Variants in FBXO45 observed in about 807,000 individuals in gnomAD.
FBXO45 encodes the protein F-box/SPRY domain-containing protein 1.
Under a neutral mutation model 25.5 loss-of-function variants are expected in FBXO45, and 3 were observed. The ratio of observed to expected loss-of-function variants is 0.12; its 90% confidence interval spans 0.05 to 0.30. FBXO45 has a LOEUF of 0.30. Ranked by LOEUF, FBXO45 falls within the 10% of genes least tolerant of loss-of-function variation. FBXO45 has a pLI of 1.00. For synonymous variants in FBXO45, 155 were observed against 149.8 expected (o/e 1.03, Z -0.25); for missense variants, 219 against 365.0 (o/e 0.60, Z 3.26).
At position 196,569,062 on chromosome 3, in the gene FBXO45, G is replaced by GGGCGCC; in HGVS notation, c.81_82insGCCGGC (p.Ala26_Gly27dup). The GGGCGCC allele has an allele frequency of 8.3e-7, 1 of 1,205,938 alleles. No individual in the cohort carries two copies. The highest frequency in any genetic ancestry group is 1.0e-6 in the Non-Finnish European group (1 of 964,886). The allele number at this position is 1,205,938 out of a possible 1,614,324, so 74.7% of individuals were successfully genotyped here. Reference sequence around the variant, plus strand: ...GCGGCGGCGGCGCGGGCGCGGGCGCGGGCTCGGGCTCTGGGGCCGCGGGGG... The same window carrying GGGCGCC: ...GCGGCGGCGGCGCGGGCGCGGGCGCGGGCGCCGGCTCGGGCTCTGGGGCCGCGGGGG... On this transcript the variant is annotated inframe_insertion, in exon 1 of 3. Transcript: ENST00000311630. The surrounding 1 kb of genome is among the most constrained non-coding windows in gnomAD (Gnocchi z 4.1).
At position 196,568,888 on chromosome 3, in the gene FBXO45, C is replaced by T; in HGVS notation, c.-97C>T. On this transcript the variant is annotated 5_prime_UTR_variant, in exon 1 of 3. Transcript: ENST00000311630. ...GGTTGGCACTGACAGGGGCGGTGAG[C>T]GAGCCGCTCCGGTCTCCGGGCGAGG... 7 of 909,930 alleles carry T rather than the reference C, an allele frequency of 7.7e-6. No individual in the cohort carries two copies. Among genetic ancestry groups the T allele is most frequent in the Non-Finnish European group, 9.2e-6 (7 of 760,814 alleles). 56.4% of individuals were successfully genotyped at this position (909,930 alleles called of 1,614,324 possible).
rs1412673783 is a variant in FBXO45 at position 196,569,285 on chromosome 3, C to A, written c.301C>A (p.Pro101Thr). 6.4e-7 allele frequency: 1 copy of A among 1,570,788 alleles called. No homozygotes were observed. Among genetic ancestry groups the A allele is most frequent in the East Asian group, 2.3e-5 (1 of 42,744 alleles). Residue 101 changes from proline (P) to threonine (T), a missense_variant, in exon 1 of 3, where the codon CCC (proline) becomes ACC (threonine). Physicochemically the swap from Pro to Thr is conservative, Grantham distance 38. Around this residue, in one of 4 missense-constraint regions of FBXO45, gnomAD observed 138 missense variants for 157.3 expected, o/e 0.88. Transcript: ENST00000311630. The surrounding 1 kb of genome is among the most constrained non-coding windows in gnomAD (Gnocchi z 4.1). The stretch of plus-strand genomic sequence containing the variant: ...GCGCACGGACATCCTGTGCAACCTG[C>A]CCAGCTACAAGGCCAAGGTGAGAGA... ...ALRTDILCNL[P>T]SYKAKIRAFQ...
intron 1 of FBXO45, among the ~76,000 whole-genome samples, chr3:196,572,013 C>T (rs949080551): frequency 6.6e-6 from 1 of 152,038 alleles, no homozygotes; most frequent in Admixed American, 6.6e-5. Flanking sequence ...AAAAAGTATA[C>T]TAGAAGTTCA....
chr3:196,580,807 T>A (rs2108728474), intron 2 of FBXO45, among the ~76,000 whole-genome samples: 1 of 147,710 alleles, frequency 6.8e-6, no homozygotes, highest in African/African-American at 2.4e-5. Flanking sequence ...GGTCTCGCTC[T>A]GACACCTCGG....
intron 2 of FBXO45, among the ~76,000 whole-genome samples, chr3:196,579,020 CT>C (rs1482451860): frequency 6.6e-6 from 1 of 152,160 alleles, no homozygotes; most frequent in East Asian, 1.9e-4. Context: ...TTCAAAGCCC[CT>C]GGAGGCATCA....
chr3:196,577,426 T>C, intron 1 of FBXO45, 27 bp from the exon 2 acceptor site: 1 of 1,471,406 alleles, frequency 6.8e-7, no homozygotes, highest in Non-Finnish European at 9.2e-7. Context: ...AATTGTTATT[T>C]ATTTGGTCTG....
In FBXO45 at chr3:196,575,658, C is replaced by A. The variant is rs998150706; in HGVS notation, c.319-1795C>A. ...ACATGTTCCTTCCCCATTTAATCTT[C>A]TTTTCCTTTCTTTTCTTTGTTTCTT... On this transcript the variant is annotated intron_variant, in intron 1 of 2. Coordinates refer to ENST00000311630, the MANE Select transcript of FBXO45 (RefSeq NM_001105573.2). Among the ~76,000 whole-genome samples the A allele has an allele frequency of 4.0e-5, 6 of 150,316 alleles. No individual in the cohort carries two copies. In the East Asian group the frequency reaches 9.7e-4, roughly 24 times the overall value.
At chr3:196,572,176 T>A (rs1037383901) in intron 1 of FBXO45, among the ~76,000 whole-genome samples, 1 of 152,096 alleles carries the variant, frequency 6.6e-6, no homozygotes, top group Non-Finnish European at 1.5e-5. Context: ...AAGTAAAGGG[T>A]TTGTACAACA....
intron 1 of FBXO45, among the ~76,000 whole-genome samples, chr3:196,575,311 C>T (rs1310108893): frequency 6.6e-6 from 1 of 151,890 alleles, no homozygotes; most frequent in Non-Finnish European, 1.5e-5. Context: ...CAAAAATTAG[C>T]CGGGTGTGGT....
chr3:196,569,122 G>T lies in FBXO45; in HGVS notation c.138G>T (p.Leu46Phe). 1 of 1,539,704 alleles carries T rather than the reference G, an allele frequency of 6.5e-7. No individual in the cohort carries two copies. Among genetic ancestry groups the T allele is most frequent in the Non-Finnish European group, 8.8e-7 (1 of 1,139,874 alleles). Reference sequence around the variant, plus strand: ...GGCTGCCCAGCCGGGTGCTGGAGTTGGTGTTCTCTTACCTGGAGCTGTCCG... The same window carrying T: ...GGCTGCCCAGCCGGGTGCTGGAGTTTGTGTTCTCTTACCTGGAGCTGTCCG... ...GGRLPSRVLE[L>F]VFSYLELSEL... Residue 46 changes from leucine to phenylalanine, a missense_variant, in exon 1 of 3, where the codon TTG (leucine) becomes TTT (phenylalanine). By Grantham distance (22) the Leu-to-Phe change is conservative (BLOSUM62 0). Transcript: ENST00000311630. The surrounding 1 kb of genome is among the most constrained non-coding windows in gnomAD (Gnocchi z 4.1).
At chr3:196,579,770 CT>C (rs1156687140) in intron 2 of FBXO45, among the ~76,000 whole-genome samples, 1 of 152,142 alleles carries the variant, frequency 6.6e-6, no homozygotes, top group Non-Finnish European at 1.5e-5. Context: ...TGTCTTTCTT[CT>C]TTTAGTTCTC....
chr3:196,580,818 C>T (rs1055837007), intron 2 of FBXO45, among the ~76,000 whole-genome samples: 4 of 143,662 alleles, frequency 2.8e-5, no homozygotes, highest in African/African-American at 9.8e-5. Flanking sequence ...GACACCTCGG[C>T]TGGAGTGGTG....
At chr3:196,572,716 T>C (rs1357211928) in intron 1 of FBXO45, among the ~76,000 whole-genome samples, 1 of 152,220 alleles carries the variant, frequency 6.6e-6, no homozygotes, top group African/African-American at 2.4e-5. Flanking sequence ...TTTCTGACTT[T>C]AGTATGGAGA....
rs1439406067 is a variant in FBXO45, at chr3:196,568,868, G to A, written c.-117G>A. On this transcript the variant is annotated 5_prime_UTR_variant, in exon 1 of 3. Coordinates refer to ENST00000311630, the MANE Select transcript of FBXO45 (RefSeq NM_001105573.2). ...GGAGTGGTGGAGGCGCCGGCGGTTGGCACTGACAGGGGCGGTGAGCGAGCC... is the reference window on the plus strand; with the variant it reads ...GGAGTGGTGGAGGCGCCGGCGGTTGACACTGACAGGGGCGGTGAGCGAGCC... 1.3e-6 allele frequency: 1 copy of A among 775,630 alleles called. No individual in the cohort carries two copies. The allele number at this position is 775,630 out of a possible 1,614,324, so 48.0% of individuals were successfully genotyped here. A position where few individuals can be genotyped will look rare whatever the true frequency, so the allele number is the denominator to read the frequency against.
intron 1 of FBXO45, among the ~76,000 whole-genome samples, chr3:196,573,025 G>A (rs906367148): frequency 2.2e-4 from 33 of 152,148 alleles, no homozygotes; most frequent in African/African-American, 7.7e-4. Flanking sequence ...GGGCTCAAGC[G>A]ATCCTCCCAC....
rs767596797 is a variant in FBXO45 at position 196,577,476 on chromosome 3, C to T, written c.342C>T (p.Phe114=). Residue 114 remains phenylalanine, a synonymous_variant, in exon 2 of 3, where the codon TTC becomes TTT. Transcript: ENST00000311630. ...KAKIRAFQHA[F]STNDCSRNVY... is the part of the protein sequence containing the mutation. ...AGATACGTGCTTTTCAACATGCCTT[C>T]AGCACTAATGACTGCTCCAGGAATG... 6.2e-7 allele frequency: 1 copy of T among 1,600,956 alleles called. No homozygotes were observed. The highest frequency in any genetic ancestry group is 8.6e-7 in the Non-Finnish European group (1 of 1,169,250).
Position 196,586,889 on chromosome 3 carries a change from A to G in FBXO45, c.*2571A>G, listed in dbSNP as rs750037618. ...TGTAAAATTCACCTTGAGTTTTCTC[A>G]TCTGCAAAATAGAAAAAAAAAAATC... On this transcript the variant is annotated 3_prime_UTR_variant, in exon 3 of 3. Transcript: ENST00000311630. 1 of 143,286 alleles carries G rather than the reference A, an allele frequency of 7.0e-6. No homozygotes were observed. The highest frequency in any genetic ancestry group is 1.5e-5 in the Non-Finnish European group (1 of 66,562). The allele number at this position is 143,286 out of a possible 1,614,324, so 8.9% of individuals were successfully genotyped here. A position where few individuals can be genotyped will look rare whatever the true frequency, so the allele number is the denominator to read the frequency against.
rs138119755 is a variant in FBXO45 at position 196,575,238 on chromosome 3, C to T, written c.319-2215C>T. 1.1e-3 allele frequency among the ~76,000 whole-genome samples: 169 copies of T among 152,196 alleles called. 1 individual carries two copies. The East Asian group carries it at 0.022, about 20-fold the overall frequency. On this transcript the variant is annotated intron_variant, in intron 1 of 2. Coordinates refer to ENST00000311630, the MANE Select transcript of FBXO45 (RefSeq NM_001105573.2). ...GCGGAGGCCAAGGCAGGCGGATCAC[C>T]TGAGGTCAGGAGTTTGAGACCAGCC...
At position 196,569,936 on chromosome 3, in the gene FBXO45, C is replaced by T. The variant is rs1430431452; in HGVS notation, c.318+634C>T. Among the ~76,000 whole-genome samples the T allele has an allele frequency of 6.6e-6, 1 of 152,180 alleles. No homozygotes were observed. Among genetic ancestry groups the T allele is most frequent in the Non-Finnish European group, 1.5e-5 (1 of 68,040 alleles). On this transcript the variant is annotated intron_variant, in intron 1 of 2. Transcript: ENST00000311630. The surrounding 1 kb of genome is among the most constrained non-coding windows in gnomAD (Gnocchi z 4.1). Reference sequence around the variant, plus strand: ...TTTGTCCTGCTGTTATTGGCTGTTTCCTTGCTAACTTTTTAATAGTTCCAC... The same window carrying T: ...TTTGTCCTGCTGTTATTGGCTGTTTTCTTGCTAACTTTTTAATAGTTCCAC...
Sources: allele counts gnomAD v4.1 joint callset (sites outside exome capture counted in the v4.1 genomes callset), GRCh38; gene constraint gnomAD v4.1.1; regional missense constraint gnomAD v4.1.1; non-coding constraint Gnocchi (gnomAD v3.1); transcripts MANE v1.5; gene names NCBI Gene and HGNC (gene_info 2026-07-23, HGNC 2026-07-21).